FBXL3: variants seen among roughly 807,000 people sequenced by gnomAD.
FBXL3 encodes the protein F-box/LRR-repeat protein 3.
FBXL3 carries 14 observed loss-of-function variants against 37.9 expected under a neutral mutation model. The observed-to-expected ratio is 0.37, with a 90% CI of 0.24 to 0.58. The LOEUF (loss-of-function observed/expected upper bound fraction) is 0.58. Among genes scored for constraint, FBXL3 ranks in the 20% least tolerant of loss-of-function variants. The pLI is 0.74. For missense variants in FBXL3, 327 were observed against 511.1 expected (o/e 0.64, Z 3.47); for synonymous variants, 194 against 180.1 (o/e 1.08, Z -0.62).
Position 77,008,293 on chromosome 13 carries a change from T to A in FBXL3, c.644-505A>T, listed in dbSNP as rs542080048. Among the ~76,000 whole-genome samples, 4 of 152,338 alleles carry A rather than the reference T, an allele frequency of 2.6e-5. No individual in the cohort carries two copies. The South Asian group carries it at 6.2e-4, about 24-fold the overall frequency. On this transcript the variant is annotated intron_variant, in intron 4 of 4. Coordinates refer to ENST00000355619, the MANE Select transcript of FBXL3 (RefSeq NM_012158.4). ...ACAAACTAAAGATTCTATCAAATGA[T>A]CAAGTCTAATTGCTAATAGCATATA...
At chr13:77,019,413 C>G (rs919753084) in intron 2 of FBXL3, among the ~76,000 whole-genome samples, 2 of 152,090 alleles carry the variant, frequency 1.3e-5, no homozygotes, top group Non-Finnish European at 2.9e-5. Flanking sequence ...CTGGGAAGCA[C>G]CTTAAAACAG....
chr13:77,025,826 T>C (rs1030932846), intron 1 of FBXL3, among the ~76,000 whole-genome samples: 1 of 152,244 alleles, frequency 6.6e-6, no homozygotes, highest in Non-Finnish European at 1.5e-5. Flanking sequence ...TGCTCATTTG[T>C]AGTTAACTCT....
chr13:77,017,572 C>G (rs2034666976), intron 3 of FBXL3: 1 of 152,104 alleles, frequency 6.6e-6, no homozygotes, highest in Non-Finnish European at 1.5e-5. Flanking sequence ...GGAGGCTATT[C>G]AGAAGATTTT....
In FBXL3 at chr13:77,018,659, A is replaced by G. The variant is rs749047548; in HGVS notation, c.412T>C (p.Ser138Pro). The change falls in exon 3 of 5, where the codon TCT (serine) becomes CCT (proline). Residue 138 changes from serine (S) to proline (P), a missense_variant. By Grantham distance (74) the Ser-to-Pro change is moderately conservative (BLOSUM62 -1). Transcript: ENST00000355619. ...CDILSQLVNCSLKTLGLISTA... is the reference protein window; with the variant it reads ...CDILSQLVNCPLKTLGLISTA... The stretch of plus-strand genomic sequence containing the variant: ...GAAATAAGTCCAAGTGTTTTTAAAG[A>G]GCAATTCACAAGTTGCGATAGTATA... 6.3e-7 allele frequency: 1 copy of G among 1,596,336 alleles called. No homozygotes were observed. The highest frequency in any genetic ancestry group is 1.8e-5 in the Admixed American group (1 of 56,690).
At position 77,007,531 on chromosome 13, in the gene FBXL3, C is replaced by G; in HGVS notation, c.901G>C (p.Asp301His). ...MYFFLYEEEF[D>H]PFFRYEIPAT... ...GGTATTTCATAGCGAAAGAAGGGGT[C>G]AAATTCTTCTTCATATAAAAAAAAA... The change falls in exon 5 of 5, where the codon GAC becomes CAC. Residue 301 changes from aspartate (D) to histidine (H), a missense_variant. By Grantham distance (81) the Asp-to-His change is moderately conservative. Transcript: ENST00000355619. 6.2e-7 allele frequency: 1 copy of G among 1,614,016 alleles called. No homozygotes were observed. Among genetic ancestry groups the G allele is most frequent in the Non-Finnish European group, 8.5e-7 (1 of 1,179,996 alleles).
intron 2 of FBXL3, 102 bp downstream of exon 2, chr13:77,021,411 C>G: frequency 6.9e-6 from 6 of 874,222 alleles, no homozygotes; most frequent in Non-Finnish European, 1.0e-5. Context: ...AGCATTTTCC[C>G]TGAAAAAGCA....
rs552608445 is a variant in FBXL3, at chr13:77,007,583, A to G, written c.849T>C (p.His283=). 1.5e-5 allele frequency: 25 copies of G among 1,614,176 alleles called. No individual in the cohort carries two copies. The Admixed American group carries it at 3.5e-4, about 23-fold the overall frequency. Residue 283 remains histidine (H), a synonymous_variant, in exon 5 of 5, where the codon CAT becomes CAC. Transcript: ENST00000355619. ...ACATCACTAAGTTCACTTTGGGTGA[A>G]TGTCTGATGAAAGCATCCCAGCTAC... The part of the protein sequence containing the change: ...QKSSWDAFIR[H]SPKVNLVMYF...
At chr13:77,018,578 A>G in intron 3 of FBXL3, 22 bp downstream of exon 3, 1 of 1,548,392 alleles carries the variant, frequency 6.5e-7, no homozygotes, top group South Asian at 1.3e-5. Flanking sequence ...GTAATAGATA[A>G]TAAAACAAAA....
intron 2 of FBXL3, 155 bp from the exon 3 acceptor site, chr13:77,018,877 T>A: frequency 1.7e-6 from 1 of 589,150 alleles, no homozygotes; most frequent in Non-Finnish European, 2.5e-6. Context: ...TATTGCATTA[T>A]AACTTAAAGA....
Position 77,018,658 on chromosome 13 carries a change from G to A in FBXL3, c.413C>T (p.Ser138Phe). Reference sequence around the variant, plus strand: ...TGAAATAAGTCCAAGTGTTTTTAAAGAGCAATTCACAAGTTGCGATAGTAT... The same window carrying A: ...TGAAATAAGTCCAAGTGTTTTTAAAAAGCAATTCACAAGTTGCGATAGTAT... ...CDILSQLVNC[S>F]LKTLGLISTA... Residue 138 changes from serine (S) to phenylalanine (F), a missense_variant, in exon 3 of 5, where the codon TCT becomes TTT. By Grantham distance (155) the Ser-to-Phe change is radical (BLOSUM62 -2). Transcript: ENST00000355619. 1 of 1,595,806 alleles carries A rather than the reference G, an allele frequency of 6.3e-7. No homozygotes were observed.
intron 1 of FBXL3, among the ~76,000 whole-genome samples, chr13:77,022,376 T>C (rs1194051279): frequency 6.6e-6 from 1 of 152,190 alleles, no homozygotes; most frequent in African/African-American, 2.4e-5. Flanking sequence ...CTGGGCCCCA[T>C]AGCAGGAAGT....
At chr13:77,023,384 G>A (rs1277374573) in intron 1 of FBXL3, among the ~76,000 whole-genome samples, 1 of 151,998 alleles carries the variant, frequency 6.6e-6, no homozygotes, top group Non-Finnish European at 1.5e-5. Context: ...CAGAGAGACA[G>A]GGCAAGTGAG....
chr13:77,024,120 G>GT (rs748793067), intron 1 of FBXL3, among the ~76,000 whole-genome samples: 116 of 151,782 alleles, frequency 7.6e-4, no homozygotes, highest in Non-Finnish European at 1.4e-3. Context: ...CTTGAGATTA[G>GT]TTTTTTTTTA....
intron 2 of FBXL3, among the ~76,000 whole-genome samples, chr13:77,020,777 G>C (rs899894761): frequency 2.6e-5 from 4 of 151,972 alleles, no homozygotes; most frequent in Non-Finnish European, 5.9e-5. Context: ...TGTCACCAAG[G>C]CTGTAGTACA....
At chr13:77,016,214 T>C (rs1036833981) in intron 3 of FBXL3, 3 of 152,222 alleles carry the variant, frequency 2.0e-5, no homozygotes, top group African/African-American at 7.2e-5. Context: ...TATATGTATA[T>C]ATTTGTATGT....
chr13:77,007,869 A>G lies in FBXL3; in HGVS notation c.644-81T>C, dbSNP rs113072180. The G allele has an allele frequency of 2.0e-4, 253 of 1,254,322 alleles. 1 individual carries two copies. The highest frequency in any genetic ancestry group is 2.3e-4 in the Non-Finnish European group (214 of 916,788). 77.7% of individuals were successfully genotyped at this position (1,254,322 alleles called of 1,614,324 possible). On this transcript the variant is annotated intron_variant, in intron 4 of 4. Transcript: ENST00000355619. ...AATTCAATCAAGTACATGTCCCACA[A>G]AAGTTTGTCACAGTTCCCTTACCAC...
chr13:77,018,825 C>G (rs1294370416), intron 2 of FBXL3, 103 bp from the exon 3 acceptor site: 10 of 925,416 alleles, frequency 1.1e-5, no homozygotes, highest in Non-Finnish European at 1.5e-5. Context: ...ATTTATATTT[C>G]TCTGTACACA....
At chr13:77,011,192 T>C (rs1490782304) in intron 4 of FBXL3, among the ~76,000 whole-genome samples, 1 of 151,550 alleles carries the variant, frequency 6.6e-6, no homozygotes, top group Non-Finnish European at 1.5e-5. Context: ...ATACAAAAAT[T>C]AGCCGGATGT....
chr13:77,020,399 CCCA>C (rs1333196918), intron 2 of FBXL3, among the ~76,000 whole-genome samples: 3 of 152,182 alleles, frequency 2.0e-5, no homozygotes, highest in Non-Finnish European at 4.4e-5. Flanking sequence ...TCCAACCATT[CCCA>C]CCACCAATTC....
Sources: allele counts gnomAD v4.1 joint callset (sites outside exome capture counted in the v4.1 genomes callset), GRCh38; gene constraint gnomAD v4.1.1; transcripts MANE v1.5; gene names NCBI Gene and HGNC (gene_info 2026-07-23, HGNC 2026-07-21).